ITCH: variants seen among roughly 807,000 people sequenced by gnomAD.
The protein encoded by ITCH is itchy E3 ubiquitin protein ligase.
In ITCH, 28 loss-of-function variants were observed where a neutral mutation model predicts 126.8. The ratio of observed to expected loss-of-function variants is 0.22; its 90% CI spans 0.16 to 0.30. ITCH has a LOEUF of 0.30. ITCH is among the 10% of genes least tolerant of loss of function. ITCH has a pLI of 1.00. For missense variants in ITCH, 631 were observed against 1,032.4 expected (o/e 0.61, Z 5.33); for synonymous variants, 342 against 340.0 (o/e 1.01, Z -0.06).
intron 1 of ITCH, 41 bp downstream of exon 1, chr20:34,363,390 G>A (rs949268304): frequency 6.6e-6 from 1 of 152,556 alleles, no homozygotes; most frequent in Non-Finnish European, 1.5e-5. Context: ...TCTCGGGAGA[G>A]GGAGGGAGTC....
intron 14 of ITCH, among the ~76,000 whole-genome samples, chr20:34,465,035 A>C (rs1986921787): frequency 1.3e-5 from 2 of 152,126 alleles, no homozygotes; most frequent in African/African-American, 4.8e-5. Flanking sequence ...TTTAGCTCTT[A>C]CATTTAGATC....
intron 2 of ITCH, among the ~76,000 whole-genome samples, chr20:34,382,289 A>G (rs2038093447): frequency 6.6e-6 from 1 of 152,148 alleles, no homozygotes; most frequent in African/African-American, 2.4e-5. Flanking sequence ...TAGGTTTTTG[A>G]CACAATCTGA....
chr20:34,461,957 A>G (rs894460241), intron 13 of ITCH, 136 bp from the exon 14 acceptor site: 8 of 775,378 alleles, frequency 1.0e-5, no homozygotes, highest in African/African-American at 5.2e-5. Flanking sequence ...AGAGATGTCT[A>G]GTATACAACT....
In ITCH at chr20:34,510,888, T is replaced by G. The variant is rs1362508592; in HGVS notation, c.*3094T>G. 6.6e-5 allele frequency: 10 copies of G among 152,174 alleles called. No homozygotes were observed. Among genetic ancestry groups the G allele is most frequent in the Non-Finnish European group, 1.5e-5 (1 of 68,034 alleles). The allele number at this position is 152,174 out of a possible 1,614,324, so 9.4% of individuals were successfully genotyped here. A position where few individuals can be genotyped will look rare whatever the true frequency, so the allele number is the denominator to read the frequency against. ...GATTGACATACCAATGATCAGAAAT[T>G]TTAGTGAAACTTGACTCAACTATAC... On this transcript the variant is annotated 3_prime_UTR_variant, in exon 25 of 25. Coordinates refer to ENST00000374864, the MANE Select transcript of ITCH (RefSeq NM_031483.7).
intron 10 of ITCH, among the ~76,000 whole-genome samples, chr20:34,444,843 TG>T (rs920487222): frequency 1.3e-5 from 2 of 152,218 alleles, no homozygotes; most frequent in Admixed American, 1.3e-4. Flanking sequence ...GGCTTCACCC[TG>T]GTGGCCAGGC....
intron 22 of ITCH, 102 bp from the exon 23 acceptor site, chr20:34,492,399 T>A: frequency 1.3e-6 from 1 of 792,212 alleles, no homozygotes; most frequent in East Asian, 2.9e-5. Flanking sequence ...ACACCTCACC[T>A]CTAAAAAAAA....
At chr20:34,425,377 G>T (rs368149941) in intron 7 of ITCH, among the ~76,000 whole-genome samples, 1 of 152,090 alleles carries the variant, frequency 6.6e-6, no homozygotes, top group Admixed American at 6.5e-5. Context: ...ATATGGCCTC[G>T]TGGGAAAGGA....
intron 2 of ITCH, among the ~76,000 whole-genome samples, chr20:34,370,409 C>T (rs1172514766): frequency 6.6e-6 from 1 of 152,028 alleles, no homozygotes; most frequent in Non-Finnish European, 1.5e-5. Context: ...CCTGTAATCC[C>T]AGCACTTTGT....
intron 14 of ITCH, among the ~76,000 whole-genome samples, chr20:34,463,219 T>C (rs1240813746): frequency 6.6e-6 from 1 of 152,114 alleles, no homozygotes; most frequent in African/African-American, 2.4e-5. Flanking sequence ...AAAAATTAGC[T>C]GGGCATGGTG....
intron 7 of ITCH, among the ~76,000 whole-genome samples, chr20:34,429,884 A>G (rs1248254393): frequency 6.6e-6 from 1 of 152,222 alleles, no homozygotes; most frequent in South Asian, 2.1e-4. Flanking sequence ...ACCTTAAAAC[A>G]GAGCTATAAA....
At chr20:34,425,521 C>T (rs1445142416) in intron 7 of ITCH, among the ~76,000 whole-genome samples, 4 of 152,116 alleles carry the variant, frequency 2.6e-5, no homozygotes, top group African/African-American at 9.7e-5. Flanking sequence ...AATGGAATGT[C>T]GGGGTGTAAA....
At chr20:34,381,286 G>T (rs8114616) in intron 2 of ITCH, among the ~76,000 whole-genome samples, 78,275 of 150,598 alleles carry the variant, frequency 0.52, 20,538 homozygotes, top group Admixed American at 0.6. Flanking sequence ...TGTTTTTTTT[G>T]TTTGTTTGTT....
intron 16 of ITCH, among the ~76,000 whole-genome samples, chr20:34,475,546 T>C (rs1046948302): frequency 1.3e-4 from 19 of 151,942 alleles, no homozygotes; most frequent in Non-Finnish European, 2.5e-4. Flanking sequence ...TCGTAGGCAC[T>C]GGGCAGGCTG....
rs917764283 is a variant in ITCH at position 34,509,607 on chromosome 20, A to T, written c.*1813A>T. On this transcript the variant is annotated 3_prime_UTR_variant, in exon 25 of 25. Coordinates refer to ENST00000374864, the MANE Select transcript of ITCH (RefSeq NM_031483.7). Reference sequence around the variant, plus strand: ...GGGAGGCTAGGCTCTCCCCAGCCCTATGGTTTTTTTATTTCATGTACCCCA... The same window carrying T: ...GGGAGGCTAGGCTCTCCCCAGCCCTTTGGTTTTTTTATTTCATGTACCCCA... 4 of 152,466 alleles carry T rather than the reference A, an allele frequency of 2.6e-5. No homozygotes were observed. Among genetic ancestry groups the T allele is most frequent in the African/African-American group, 9.7e-5 (4 of 41,402 alleles). 9.4% of individuals were successfully genotyped at this position (152,466 alleles called of 1,614,324 possible).
chr20:34,448,939 C>T (rs1422361811), intron 11 of ITCH, among the ~76,000 whole-genome samples: 2 of 152,132 alleles, frequency 1.3e-5, no homozygotes, highest in Non-Finnish European at 2.9e-5. Flanking sequence ...CATCTGGCAG[C>T]CCACTCTTCC....
rs371808690 is a variant in ITCH, at chr20:34,472,702, A to G, written c.1569+1187A>G. ...CAGAATCAGTTTTTTTCATTTCCTA[A>G]TGGAACGTCAGTTATTGACATTAAA... is the stretch of plus-strand genomic sequence containing the variant. On this transcript the variant is annotated intron_variant, in intron 16 of 24. Transcript: ENST00000374864. Among the ~76,000 whole-genome samples the G allele has an allele frequency of 2.6e-5, 4 of 152,208 alleles. No individual in the cohort carries two copies. In the East Asian group the frequency reaches 7.7e-4, roughly 29 times the overall value.
At position 34,440,476 on chromosome 20, in the gene ITCH, T is replaced by C. The variant is rs918963669; in HGVS notation, c.869+132T>C. 10 of 753,526 alleles carry C rather than the reference T, an allele frequency of 1.3e-5. No homozygotes were observed. In the African/African-American group the frequency reaches 1.6e-4, roughly 12 times the overall value. The allele number at this position is 753,526 out of a possible 1,614,324, so 46.7% of individuals were successfully genotyped here. A position where few individuals can be genotyped will look rare whatever the true frequency, so the allele number is the denominator to read the frequency against. Reference sequence around the variant, plus strand: ...GACTGTTTTTTAATTTCTTTTTTTTTTGAGATGGAGTGCTCTGTCTCCCAG... The same window carrying C: ...GACTGTTTTTTAATTTCTTTTTTTTCTGAGATGGAGTGCTCTGTCTCCCAG... On this transcript the variant is annotated intron_variant, in intron 9 of 24. Transcript: ENST00000374864.
At position 34,457,625 on chromosome 20, in the gene ITCH, T is replaced by G. The variant is rs190257723; in HGVS notation, c.1295+151T>G. ...GAAAGAGAAAATTATACTATTATTT[T>G]CATCTAATGGAAAGTTTGAAGATTT... On this transcript the variant is annotated intron_variant, in intron 13 of 24. Transcript: ENST00000374864. The G allele has an allele frequency of 3.2e-5, 21 of 659,614 alleles. No individual in the cohort carries two copies. The African/African-American group carries it at 3.8e-4, about 12-fold the overall frequency. The allele number at this position is 659,614 out of a possible 1,614,324, so 40.9% of individuals were successfully genotyped here.
At chr20:34,456,506 A>G (rs559067522) in intron 12 of ITCH, among the ~76,000 whole-genome samples, 1 of 149,476 alleles carries the variant, frequency 6.7e-6, no homozygotes, top group East Asian at 2.0e-4. Context: ...TTAGTTTCTA[A>G]AAATCAAGTT....
Sources: allele counts gnomAD v4.1 joint callset (sites outside exome capture counted in the v4.1 genomes callset), GRCh38; gene constraint gnomAD v4.1.1; transcripts MANE v1.5; gene names NCBI Gene and HGNC (gene_info 2026-07-23, HGNC 2026-07-21).